The following MTMR14 variants were observed in gnomAD, a reference collection of about 807,000 sequenced individuals.
MTMR14 encodes myotubularin related protein 14, also known as phosphatidylinositol-3,5-bisphosphate 3-phosphatase MTMR14.
A neutral mutation model predicts 86.3 loss-of-function variants in MTMR14; 48 were observed. The observed-to-expected ratio is 0.56, with a 90% confidence interval of 0.44 to 0.71. MTMR14 has a LOEUF of 0.71. Ranked by LOEUF, MTMR14 falls within the 30% of genes least tolerant of loss-of-function variation. MTMR14 has a pLI of 0.00. For synonymous variants in MTMR14, 366 were observed against 326.1 expected (o/e 1.12, Z -1.32); for missense variants, 780 against 834.6 (o/e 0.93, Z 0.81).
rs1396895324 is a variant in MTMR14, at chr3:9,677,745, T to G, written c.823-239T>G. 6.6e-6 allele frequency among the ~76,000 whole-genome samples: 1 copy of G among 152,118 alleles called. No homozygotes were observed. Among genetic ancestry groups the G allele is most frequent in the East Asian group, 1.9e-4 (1 of 5,190 alleles). On this transcript the variant is annotated intron_variant, in intron 8 of 18. Transcript: ENST00000296003. The surrounding 1 kb of genome is among the most constrained non-coding windows in gnomAD (Gnocchi z 4.2). The stretch of plus-strand genomic sequence containing the variant: ...GGAAACCTGCCGGAAGCTGAACACA[T>G]ATTGATCTTGCATGTTTCAGCAACA...
intron 13 of MTMR14, among the ~76,000 whole-genome samples, chr3:9,687,417 T>C (rs1434123662): frequency 6.6e-6 from 1 of 152,010 alleles, no homozygotes; most frequent in African/African-American, 2.4e-5. Flanking sequence ...GAGCTGGGCA[T>C]GGTGGCGGGC....
At chr3:9,671,335 C>A (rs1051955910) in intron 6 of MTMR14, among the ~76,000 whole-genome samples, 165 bp downstream of exon 6, 4 of 152,158 alleles carry the variant, frequency 2.6e-5, no homozygotes, top group African/African-American at 9.7e-5. Flanking sequence ...GTACCAGTGT[C>A]CCCCTCTTAC....
At chr3:9,687,929 C>A in intron 14 of MTMR14, 38 bp downstream of exon 14, 1 of 1,537,596 alleles carries the variant, frequency 6.5e-7, no homozygotes, top group Non-Finnish European at 8.9e-7. Context: ...TGGGCCAGGG[C>A]GCTCTGAGAA....
chr3:9,682,920 A>T (rs2075813945), intron 9 of MTMR14, among the ~76,000 whole-genome samples: 1 of 149,452 alleles, frequency 6.7e-6, no homozygotes, highest in African/African-American at 2.5e-5. Context: ...CCTCACTCTC[A>T]CATTGGGTCA....
intron 7 of MTMR14, among the ~76,000 whole-genome samples, chr3:9,674,308 T>C (rs2048735168): frequency 6.6e-6 from 1 of 152,252 alleles, no homozygotes; most frequent in South Asian, 2.1e-4. Context: ...CAAAATGTTA[T>C]CACCCTTTGA....
Position 9,701,593 on chromosome 3 carries a change from T to A in MTMR14, c.1770-197T>A. 1 of 670,310 alleles carries A rather than the reference T, an allele frequency of 1.5e-6. No homozygotes were observed. The highest frequency in any genetic ancestry group is 2.2e-5 in the Admixed American group (1 of 44,772). The allele number at this position is 670,310 out of a possible 1,614,324, so 41.5% of individuals were successfully genotyped here. ...TAGGTGGGAACAGTAGCCTGAGGGC[T>A]TAGAGGAATGGTTTAAGGGAAAACA... On this transcript the variant is annotated intron_variant, in intron 18 of 18. Transcript: ENST00000296003. The surrounding 1 kb of genome is among the most constrained non-coding windows in gnomAD (Gnocchi z 4.2).
chr3:9,672,574 A>G, intron 6 of MTMR14, 111 bp from the exon 7 acceptor site: 1 of 937,852 alleles, frequency 1.1e-6, no homozygotes, highest in Non-Finnish European at 1.8e-6. Context: ...ACAATGAAGA[A>G]TAGTTTTTTT....
At chr3:9,653,147 A>G (rs1254403791) in intron 1 of MTMR14, among the ~76,000 whole-genome samples, 1 of 151,846 alleles carries the variant, frequency 6.6e-6, no homozygotes, top group African/African-American at 2.4e-5. Context: ...AGACAGGAGA[A>G]TCGCTTGAAC....
At position 9,694,502 on chromosome 3, in the gene MTMR14, T is replaced by TTGGATGGA. The variant is rs60351585; in HGVS notation, c.1614-3187_1614-3180dup. ...ACAAAAGATAGATTAGATAGATAGA[T>TTGGATGGA]TGGATGGATGGATGGATGGATGGAT... On this transcript the variant is annotated intron_variant, in intron 17 of 18. Coordinates refer to ENST00000296003, the MANE Select transcript of MTMR14 (RefSeq NM_001077525.3). 4.4e-3 allele frequency among the ~76,000 whole-genome samples: 669 copies of TTGGATGGA among 151,836 alleles called. 7 individuals are homozygous for TTGGATGGA. The highest frequency in any genetic ancestry group is 0.016 in the African/African-American group (641 of 41,344).
In MTMR14 at chr3:9,650,675, G is replaced by A. The variant is rs1372947236; in HGVS notation, c.159+933G>A. ...GGGACCACCTGTTTAATGATCATCT[G>A]GGGTACTTTTAAAATTTGTGCTTAT... On this transcript the variant is annotated intron_variant, in intron 1 of 18. Transcript: ENST00000296003. 5 of 191,572 alleles carry A rather than the reference G, an allele frequency of 2.6e-5. No individual in the cohort carries two copies. The East Asian group carries it at 6.9e-4, about 27-fold the overall frequency. The allele number at this position is 191,572 out of a possible 1,614,324, so 11.9% of individuals were successfully genotyped here.
At chr3:9,657,096 G>T (rs913449550) in intron 2 of MTMR14, among the ~76,000 whole-genome samples, 1 of 151,856 alleles carries the variant, frequency 6.6e-6, no homozygotes, top group East Asian at 1.9e-4. Flanking sequence ...TTAATTTTTA[G>T]TAGAGACCAG....
intron 17 of MTMR14, among the ~76,000 whole-genome samples, chr3:9,693,328 GGGA>G (rs1165507649): frequency 1.3e-5 from 2 of 152,186 alleles, no homozygotes; most frequent in East Asian, 3.8e-4. Context: ...TAAAGCATAT[GGGA>G]GGATGTGCAT....
chr3:9,668,704 A>G lies in MTMR14; in HGVS notation c.418-15A>G, dbSNP rs371425672. The G allele has an allele frequency of 3.8e-5, 61 of 1,613,940 alleles. No individual in the cohort carries two copies. In the African/African-American group the frequency reaches 6.9e-4, roughly 18 times the overall value. On this transcript the variant is annotated splice_polypyrimidine_tract_variant and intron_variant, in intron 3 of 18. Coordinates refer to ENST00000296003, the MANE Select transcript of MTMR14 (RefSeq NM_001077525.3). ...AGAAAACCATCTGACCGTGAAAATG[A>G]TGTTTCTCTCCCAGCACATTTGCAG...
chr3:9,652,275 A>G (rs933592346), intron 1 of MTMR14, among the ~76,000 whole-genome samples: 2 of 152,176 alleles, frequency 1.3e-5, no homozygotes, highest in East Asian at 3.9e-4. Flanking sequence ...CCCTCTTGCA[A>G]ACTTCTTGAT....
chr3:9,680,473 A>T (rs902506382), intron 9 of MTMR14, among the ~76,000 whole-genome samples: 4 of 152,216 alleles, frequency 2.6e-5, no homozygotes, highest in African/African-American at 9.6e-5. Flanking sequence ...TTTCCTCAGA[A>T]TACAATGCAA....
intron 3 of MTMR14, among the ~76,000 whole-genome samples, chr3:9,665,393 T>C (rs1334251918): frequency 6.6e-6 from 1 of 152,188 alleles, no homozygotes; most frequent in Non-Finnish European, 1.5e-5. Context: ...TACCGCATGT[T>C]CTCATTCATA....
intron 18 of MTMR14, among the ~76,000 whole-genome samples, chr3:9,698,498 G>C (rs1028592431): frequency 2.0e-5 from 3 of 152,244 alleles, no homozygotes; most frequent in African/African-American, 7.2e-5. Flanking sequence ...AAAGCCTCTG[G>C]TGGCCAGGGG....
chr3:9,694,333 C>G (rs936950956), intron 17 of MTMR14, among the ~76,000 whole-genome samples: 3 of 152,110 alleles, frequency 2.0e-5, no homozygotes, highest in South Asian at 2.1e-4. Context: ...GCCCCCCTCC[C>G]GTAAGTTTGG....
rs76211161 is a variant in MTMR14, at chr3:9,697,941, G to A, written c.1769+75G>A. 829 of 1,595,806 alleles carry A rather than the reference G, an allele frequency of 5.2e-4. 14 individuals carry two copies. The East Asian group carries it at 0.017, about 33-fold the overall frequency. On this transcript the variant is annotated intron_variant, in intron 18 of 18. Transcript: ENST00000296003. Reference sequence around the variant, plus strand: ...GCTGGTGAGCAGTCAGGAGTGCTGGGTAGGAATGAGGCTGGCGCTCAGGAG... The same window carrying A: ...GCTGGTGAGCAGTCAGGAGTGCTGGATAGGAATGAGGCTGGCGCTCAGGAG...
Sources: gnomAD v4.1 joint callset for allele counts (sites outside exome capture counted in the v4.1 genomes callset) on GRCh38, gnomAD v4.1.1 for gene constraint, Gnocchi (gnomAD v3.1) non-coding constraint, MANE v1.5 for transcripts, NCBI Gene and HGNC (gene_info 2026-07-23, HGNC 2026-07-21) for gene names.